Variants in REL observed in about 807,000 individuals in gnomAD.
REL encodes REL proto-oncogene, NF-kB subunit.
Under a neutral mutation model 45.9 loss-of-function variants are expected in REL, and 15 were observed. The observed-to-expected ratio is 0.33, with a 90% CI of 0.22 to 0.50. The LOEUF (loss-of-function observed/expected upper bound fraction) is 0.50, where lower values mean the gene tolerates loss of function less well. REL is among the 20% of genes least tolerant of loss of function. The pLI is 0.98. For synonymous variants in REL, 239 were observed against 242.1 expected, an observed-to-expected ratio of 0.99 and a Z score of 0.12; for missense variants, 601 against 715.2, an observed-to-expected ratio of 0.84 and a Z score of 1.82.
In REL at chr2:60,910,464, CA is replaced by C. The variant is rs58492515; in HGVS notation, c.395-6403del. 5.4e-4 allele frequency among the ~76,000 whole-genome samples: 34 copies of C among 62,478 alleles called. No individual in the cohort carries two copies. The East Asian group carries it at 6.0e-3, about 11-fold the overall frequency. The allele number at this position is 62,478 out of a possible 152,430, so 41.0% of individuals were successfully genotyped here. A position where few individuals can be genotyped will look rare whatever the true frequency, so the allele number is the denominator to read the frequency against. On this transcript the variant is annotated intron_variant, in intron 4 of 9. Transcript: ENST00000394479. The stretch of plus-strand genomic sequence containing the variant: ...TGGGTGACAGAGTGAGACTCCATCT[CA>C]AAAAAAAAACAAAAAACAAAAAAAA...
chr2:60,903,146 C>T (rs1301982302), intron 4 of REL, among the ~76,000 whole-genome samples: 1 of 152,166 alleles, frequency 6.6e-6, no homozygotes, highest in African/African-American at 2.4e-5. Context: ...ATTTATTAAG[C>T]ACTTCTTGTA....
In REL at chr2:60,923,166, AT is replaced by A; in HGVS notation, c.*637del. 2 of 199,720 alleles carry A rather than the reference AT, an allele frequency of 1.0e-5. No individual in the cohort carries two copies. The highest frequency in any genetic ancestry group is 2.1e-5 in the Non-Finnish European group (2 of 96,598). 12.4% of individuals were successfully genotyped at this position (199,720 alleles called of 1,614,324 possible). ...AATGGCTATGCCATTGAAAAACTTA[AT>A]TTTTTATTTTTGAGGCCCATGGGCC... On this transcript the variant is annotated 3_prime_UTR_variant, in exon 10 of 10. Coordinates refer to ENST00000394479, the MANE Select transcript of REL (RefSeq NM_001291746.2).
intron 4 of REL, among the ~76,000 whole-genome samples, chr2:60,904,168 C>T (rs544551017): frequency 3.3e-5 from 5 of 151,878 alleles, no homozygotes; most frequent in Admixed American, 2.0e-4. Flanking sequence ...TTTGGGAGGC[C>T]GAGGTGGGGG....
At chr2:60,888,556 C>T (rs1043009745) in intron 1 of REL, among the ~76,000 whole-genome samples, 4 of 152,088 alleles carry the variant, frequency 2.6e-5, no homozygotes, top group African/African-American at 4.8e-5. Context: ...AGGATAAAAT[C>T]GTGAAATACT....
At chr2:60,887,750 T>C (rs1264998918) in intron 1 of REL, among the ~76,000 whole-genome samples, 1 of 151,160 alleles carries the variant, frequency 6.6e-6, no homozygotes, top group Admixed American at 6.6e-5. Context: ...GTAGGAAAAA[T>C]AAATTCCAAG....
chr2:60,896,887 G>A (rs1334813012), intron 3 of REL, among the ~76,000 whole-genome samples: 1 of 151,876 alleles, frequency 6.6e-6, no homozygotes, highest in Non-Finnish European at 1.5e-5. Flanking sequence ...ATCCCATTAA[G>A]GATTACACAC....
At chr2:60,908,383 T>C (rs944442660) in intron 4 of REL, among the ~76,000 whole-genome samples, 2 of 152,200 alleles carry the variant, frequency 1.3e-5, no homozygotes. Flanking sequence ...CATTTGTTCT[T>C]TAAAACTAAG....
rs754023814 is a variant in REL, at chr2:60,901,178, C to T, written c.394+95C>T. 6.2e-4 allele frequency: 702 copies of T among 1,138,830 alleles called. 2 individuals are homozygous for T. The highest frequency in any genetic ancestry group is 7.3e-4 in the Non-Finnish European group (663 of 904,054). The allele number at this position is 1,138,830 out of a possible 1,614,324, so 70.5% of individuals were successfully genotyped here. A position where few individuals can be genotyped will look rare whatever the true frequency, so the allele number is the denominator to read the frequency against. ...TTTTTTTTTTTTTTTTTTTTTGAGACGGAGTTTTGCTCTTGTCGCCAGGCT... is the reference window on the plus strand; with the variant it reads ...TTTTTTTTTTTTTTTTTTTTTGAGATGGAGTTTTGCTCTTGTCGCCAGGCT... On this transcript the variant is annotated intron_variant, in intron 4 of 9. Transcript: ENST00000394479.
intron 4 of REL, among the ~76,000 whole-genome samples, chr2:60,903,519 G>T (rs950323306): frequency 6.6e-6 from 1 of 151,886 alleles, no homozygotes; most frequent in African/African-American, 2.4e-5. Context: ...GATTACAGGT[G>T]TGCATCACCA....
intron 4 of REL, among the ~76,000 whole-genome samples, chr2:60,913,738 C>T (rs942978030): frequency 6.6e-6 from 1 of 152,100 alleles, no homozygotes; most frequent in African/African-American, 2.4e-5. Flanking sequence ...ATATCTTGGT[C>T]GCATGGTTTT....
chr2:60,898,630 A>G (rs1673419373), intron 3 of REL, among the ~76,000 whole-genome samples: 1 of 152,266 alleles, frequency 6.6e-6, no homozygotes, highest in Non-Finnish European at 1.5e-5. Context: ...TCTGTAAAGT[A>G]CTAGATAGTA....
In REL at chr2:60,881,813, C is replaced by T. The variant is rs1417592517; in HGVS notation, c.-28C>T. 2 of 1,526,538 alleles carry T rather than the reference C, an allele frequency of 1.3e-6. No individual in the cohort carries two copies. Among genetic ancestry groups the T allele is most frequent in the Admixed American group, 2.0e-5 (1 of 49,898 alleles). The allele number at this position is 1,526,538 out of a possible 1,614,324, so 94.6% of individuals were successfully genotyped here. On this transcript the variant is annotated 5_prime_UTR_variant, in exon 1 of 10. Coordinates refer to ENST00000394479, the MANE Select transcript of REL (RefSeq NM_001291746.2). ...CCTCCGGCCAGGACGCTGGGAGCTG[C>T]CTGCGGGAAGGTGCGGGGAGCGGAG... is the stretch of plus-strand genomic sequence containing the variant.
intron 4 of REL, among the ~76,000 whole-genome samples, chr2:60,905,843 A>G (rs1312189625): frequency 2.0e-5 from 3 of 152,214 alleles, no homozygotes; most frequent in African/African-American, 7.2e-5. Context: ...CTCTTTCACC[A>G]TGACCCACAG....
chr2:60,916,525 T>C (rs1018127638), intron 4 of REL, among the ~76,000 whole-genome samples: 1 of 152,228 alleles, frequency 6.6e-6, no homozygotes, highest in Admixed American at 6.5e-5. Flanking sequence ...CTGGACCAAA[T>C]ACATACTTGT....
At chr2:60,921,503 GAAGTGA>G (rs1674139718) in intron 9 of REL, among the ~76,000 whole-genome samples, 1 of 152,066 alleles carries the variant, frequency 6.6e-6, no homozygotes, top group South Asian at 2.1e-4. Flanking sequence ...ATATTTAATT[GAAGTGA>G]AATTACATAT....
chr2:60,918,019 G>T (rs1028672164), intron 5 of REL, among the ~76,000 whole-genome samples, 172 bp from the exon 6 acceptor site: 1 of 152,246 alleles, frequency 6.6e-6, no homozygotes, highest in Admixed American at 6.5e-5. Context: ...CTAAAGTAAA[G>T]CAGTTAGAAA....
chr2:60,913,140 T>C (rs1279672704), intron 4 of REL, among the ~76,000 whole-genome samples: 1 of 152,170 alleles, frequency 6.6e-6, no homozygotes, highest in Non-Finnish European at 1.5e-5. Context: ...TTTTTTTCAG[T>C]TTCAAGTTCT....
In REL at chr2:60,924,405, A is replaced by G. The variant is rs1345668522; in HGVS notation, c.*1870A>G. On this transcript the variant is annotated 3_prime_UTR_variant, in exon 10 of 10. Coordinates refer to ENST00000394479, the MANE Select transcript of REL (RefSeq NM_001291746.2). ...TTTATTGAACATTAAAAGTATTACT[A>G]ATAGAACTTTGGTTTTTGAAAGAAA... is the stretch of plus-strand genomic sequence containing the variant. 2.8e-5 allele frequency: 6 copies of G among 214,102 alleles called. No homozygotes were observed. Among genetic ancestry groups the G allele is most frequent in the Non-Finnish European group, 4.7e-5 (5 of 106,116 alleles). The allele number at this position is 214,102 out of a possible 1,614,324, so 13.3% of individuals were successfully genotyped here.
chr2:60,907,942 T>G (rs1673708085), intron 4 of REL, among the ~76,000 whole-genome samples: 2 of 151,886 alleles, frequency 1.3e-5, no homozygotes, highest in Non-Finnish European at 1.5e-5. Flanking sequence ...TCCGTCCACC[T>G]CGGCCTCCCA....
Sources: gnomAD v4.1 joint callset for allele counts (sites outside exome capture counted in the v4.1 genomes callset) on GRCh38, gnomAD v4.1.1 for gene constraint, MANE v1.5 for transcripts, NCBI Gene and HGNC (gene_info 2026-07-23, HGNC 2026-07-21) for gene names.